ERBB4: variants seen among roughly 807,000 people sequenced by gnomAD.
ERBB4 encodes receptor tyrosine-protein kinase erbB-4.
A neutral mutation model predicts 158.0 loss-of-function variants in ERBB4; 42 were observed. That is an observed-to-expected ratio of 0.27 (90% CI 0.21 to 0.34). The LOEUF (loss-of-function observed/expected upper bound fraction) is 0.34, where lower values mean the gene tolerates loss of function less well. Ranked by LOEUF, ERBB4 falls within the 10% of genes least tolerant of loss-of-function variation. The pLI is 1.00. For missense variants in ERBB4, 1,333 were observed against 1,624.1 expected, an observed-to-expected ratio of 0.82 and a Z score of 3.08; for synonymous variants, 583 against 558.7, an observed-to-expected ratio of 1.04 and a Z score of -0.61.
chr2:211,863,466 C>T (rs1360672485), intron 3 of ERBB4, among the ~76,000 whole-genome samples: 2 of 152,194 alleles, frequency 1.3e-5, no homozygotes, highest in East Asian at 3.9e-4. Context: ...TTTGTGTCCG[C>T]ACTACCTTTA....
At chr2:212,492,916 GTCAT>G (rs1241092763) in intron 1 of ERBB4, among the ~76,000 whole-genome samples, 5 of 151,458 alleles carry the variant, frequency 3.3e-5, no homozygotes, top group African/African-American at 1.2e-4. Context: ...CCATACAGTA[GTCAT>G]TTATTAAATA....
intron 1 of ERBB4, among the ~76,000 whole-genome samples, chr2:212,209,942 C>A (rs985112195): frequency 1.3e-5 from 2 of 151,940 alleles, no homozygotes; most frequent in East Asian, 3.9e-4. Context: ...GCTTGACTGA[C>A]CTGCATTGTT....
intron 3 of ERBB4, among the ~76,000 whole-genome samples, chr2:211,915,137 T>G (rs531807440): frequency 6.6e-6 from 1 of 152,276 alleles, no homozygotes; most frequent in South Asian, 2.1e-4. Flanking sequence ...GTTTCAGTAC[T>G]CTGGACTTAG....
intron 13 of ERBB4, among the ~76,000 whole-genome samples, chr2:211,674,777 A>G (rs1426922659): frequency 6.6e-6 from 1 of 152,180 alleles, no homozygotes; most frequent in Admixed American, 6.5e-5. Flanking sequence ...TGACAATTAT[A>G]GCACACTTGA....
At chr2:212,456,533 A>G (rs1235427776) in intron 1 of ERBB4, among the ~76,000 whole-genome samples, 2 of 151,548 alleles carry the variant, frequency 1.3e-5, no homozygotes, top group Non-Finnish European at 2.9e-5. Flanking sequence ...TATAAATACC[A>G]CAATGCTTCC....
At chr2:211,887,146 A>G (rs2078823639) in intron 3 of ERBB4, among the ~76,000 whole-genome samples, 1 of 152,066 alleles carries the variant, frequency 6.6e-6, no homozygotes, top group African/African-American at 2.4e-5. Context: ...CACTCCCCCA[A>G]ATCAGGCTCC....
Position 211,921,292 on chromosome 2 carries a change from C to T in ERBB4, c.421+26138G>A, listed in dbSNP as rs1358926891. On this transcript the variant is annotated intron_variant, in intron 3 of 27. Coordinates refer to ENST00000342788, the MANE Select transcript of ERBB4 (RefSeq NM_005235.3). Reference sequence around the variant, plus strand: ...GTCATTAACCTTTCTTGCTGGCTAACATGATCCCCTCATTCCATGAACATA... The same window carrying T: ...GTCATTAACCTTTCTTGCTGGCTAATATGATCCCCTCATTCCATGAACATA... 2.0e-5 allele frequency among the ~76,000 whole-genome samples: 3 copies of T among 152,130 alleles called. No homozygotes were observed. The East Asian group carries it at 5.8e-4, about 29-fold the overall frequency.
intron 20 of ERBB4, among the ~76,000 whole-genome samples, chr2:211,560,262 C>CA (rs2067350026): frequency 2.2e-5 from 1 of 46,286 alleles, no homozygotes; most frequent in Non-Finnish European, 4.1e-5. Context: ...TGAAGCTTAG[C>CA]TTTTTTTTTT....
intron 4 of ERBB4, among the ~76,000 whole-genome samples, chr2:211,758,151 T>C (rs894890194): frequency 6.6e-6 from 1 of 152,180 alleles, no homozygotes; most frequent in Non-Finnish European, 1.5e-5. Context: ...TAATACATAT[T>C]ATGCCAAAAA....
At chr2:212,118,801 A>T (rs1156345171) in intron 2 of ERBB4, among the ~76,000 whole-genome samples, 1 of 152,046 alleles carries the variant, frequency 6.6e-6, no homozygotes, top group Admixed American at 6.6e-5. Flanking sequence ...ATATATATAA[A>T]AGCAAATTAT....
chr2:212,341,816 T>C (rs1019661637), intron 1 of ERBB4, among the ~76,000 whole-genome samples: 1 of 152,198 alleles, frequency 6.6e-6, no homozygotes, highest in Non-Finnish European at 1.5e-5. Flanking sequence ...AGGACCAACA[T>C]AGAGCTAATT....
chr2:211,460,757 T>TAA (rs142170964), intron 20 of ERBB4, among the ~76,000 whole-genome samples: 9 of 151,184 alleles, frequency 6.0e-5, no homozygotes, highest in African/African-American at 2.2e-4. Context: ...TTTCCTGCAT[T>TAA]AAAAAAAAAT....
chr2:211,462,808 T>C (rs1051598650), intron 20 of ERBB4, among the ~76,000 whole-genome samples: 8 of 152,206 alleles, frequency 5.3e-5, no homozygotes, highest in African/African-American at 1.7e-4. Context: ...TATATTTAAA[T>C]AGTTCATATT....
At chr2:212,069,442 C>A (rs1467283711) in intron 2 of ERBB4, among the ~76,000 whole-genome samples, 1 of 152,086 alleles carries the variant, frequency 6.6e-6, no homozygotes, top group Non-Finnish European at 1.5e-5. Context: ...CTATAAAAAA[C>A]CCACAGCTAA....
intron 1 of ERBB4, among the ~76,000 whole-genome samples, chr2:212,156,939 A>C (rs985446407): frequency 6.6e-6 from 1 of 152,232 alleles, no homozygotes; most frequent in East Asian, 1.9e-4. Flanking sequence ...AATTACAGGA[A>C]TGGACTCCTA....
intron 4 of ERBB4, among the ~76,000 whole-genome samples, chr2:211,782,038 G>C (rs2076049716): frequency 6.6e-6 from 1 of 152,126 alleles, no homozygotes. Context: ...AAGGTCTTTT[G>C]ACAGCGGTTT....
intron 3 of ERBB4, among the ~76,000 whole-genome samples, chr2:211,851,493 C>T (rs1416441844): frequency 6.6e-6 from 1 of 151,954 alleles, no homozygotes; most frequent in East Asian, 1.9e-4. Context: ...GAGTTTCCCT[C>T]TTCGCTAAAC....
intron 1 of ERBB4, among the ~76,000 whole-genome samples, chr2:212,254,010 G>A (rs1462601553): frequency 2.0e-5 from 3 of 152,046 alleles, no homozygotes; most frequent in African/African-American, 7.2e-5. Flanking sequence ...AAAAGGCACA[G>A]TAAAAATTCA....
chr2:211,505,884 T>C (rs2065734097), intron 20 of ERBB4, among the ~76,000 whole-genome samples: 2 of 146,684 alleles, frequency 1.4e-5, no homozygotes, highest in South Asian at 4.3e-4. Flanking sequence ...GGCATGAACC[T>C]GGGAGGCAGA....
Sources: allele counts gnomAD v4.1 joint callset (sites outside exome capture counted in the v4.1 genomes callset), GRCh38; gene constraint gnomAD v4.1.1; transcripts MANE v1.5; gene names NCBI Gene and HGNC (gene_info 2026-07-23, HGNC 2026-07-21).